ARID3B: variants seen among roughly 807,000 people sequenced by gnomAD.
ARID3B encodes AT-rich interaction domain 3B.
ARID3B carries 10 observed loss-of-function variants against 51.9 expected under a neutral mutation model. The observed-to-expected ratio is 0.19, with a 90% CI of 0.12 to 0.33. The LOEUF (loss-of-function observed/expected upper bound fraction) is 0.33. Ranked by LOEUF, ARID3B falls within the 10% of genes least tolerant of loss-of-function variation. ARID3B has a pLI of 1.00. For synonymous variants in ARID3B, 205 were observed against 279.5 expected (o/e 0.73, Z 2.66); for missense variants, 483 against 716.3 (o/e 0.67, Z 3.72).
chr15:74,561,030 G>A (rs1301530792), intron 2 of ARID3B, among the ~76,000 whole-genome samples: 1 of 152,064 alleles, frequency 6.6e-6, no homozygotes, highest in East Asian at 1.9e-4. Context: ...AGCAATCCTT[G>A]TGCTTCAGCC....
intron 8 of ARID3B, among the ~76,000 whole-genome samples, chr15:74,594,649 G>A (rs1223926398): frequency 1.3e-5 from 2 of 152,106 alleles, no homozygotes; most frequent in African/African-American, 4.8e-5. Context: ...CATTCTAAGG[G>A]CCACACTCCC....
At position 74,597,919 on chromosome 15, in the gene ARID3B, A is replaced by C. The variant is rs756609251; in HGVS notation, c.*2145A>C. ...CTTGGCCCAAGCAGAGCTTCCCCTGAAGGTGCCATCAGCCAGGGCAGCTCT... is the reference window on the plus strand; with the variant it reads ...CTTGGCCCAAGCAGAGCTTCCCCTGCAGGTGCCATCAGCCAGGGCAGCTCT... On this transcript the variant is annotated 3_prime_UTR_variant, in exon 9 of 9. Coordinates refer to ENST00000346246, the MANE Select transcript of ARID3B (RefSeq NM_006465.4). The C allele has an allele frequency of 1.9e-6, 1 of 530,506 alleles. No homozygotes were observed. The highest frequency in any genetic ancestry group is 1.5e-5 in the South Asian group (1 of 65,140). 32.9% of individuals were successfully genotyped at this position (530,506 alleles called of 1,614,324 possible). A position where few individuals can be genotyped will look rare whatever the true frequency, so the allele number is the denominator to read the frequency against.
chr15:74,582,672 G>A (rs2061766145), intron 4 of ARID3B, among the ~76,000 whole-genome samples: 1 of 152,162 alleles, frequency 6.6e-6, no homozygotes, highest in Non-Finnish European at 1.5e-5. Flanking sequence ...GTTTGGCAGT[G>A]TTCGCTAAAG....
At chr15:74,592,586 A>G (rs2141481303) in intron 7 of ARID3B, among the ~76,000 whole-genome samples, 1 of 152,340 alleles carries the variant, frequency 6.6e-6, no homozygotes, top group African/African-American at 2.4e-5. Context: ...GTTAGAAAAG[A>G]CAGCTCACCG....
intron 8 of ARID3B, among the ~76,000 whole-genome samples, chr15:74,595,250 C>T (rs2141483652): frequency 6.6e-6 from 1 of 152,282 alleles, no homozygotes; most frequent in African/African-American, 2.4e-5. Context: ...ATTGCCCAGT[C>T]TGGTCTCAAA....
chr15:74,589,082 C>T (rs569570551), intron 4 of ARID3B, among the ~76,000 whole-genome samples: 1 of 123,828 alleles, frequency 8.1e-6, no homozygotes, highest in Non-Finnish European at 1.6e-5. Context: ...GGCTGGAGTG[C>T]AGTGGTGTGA....
rs567877124 is a variant in ARID3B at position 74,546,245 on chromosome 15, C to CGGCTGCCCCCGCACTGCTGTGTGGTT, written c.552+1761_552+1786dup. ...GTTTAGCAAAACATCTGTGAGTTGC[C>CGGCTGCCCCCGCACTGCTGTGTGGTT]GGCTGCCCCCGCACTGCTGTGTGGT... is the stretch of plus-strand genomic sequence containing the variant. On this transcript the variant is annotated intron_variant, in intron 2 of 8. Coordinates refer to ENST00000346246, the MANE Select transcript of ARID3B (RefSeq NM_006465.4). Among the ~76,000 whole-genome samples the CGGCTGCCCCCGCACTGCTGTGTGGTT allele has an allele frequency of 3.1e-3, 466 of 152,344 alleles. 1 individual carries two copies. The highest frequency in any genetic ancestry group is 5.0e-3 in the Non-Finnish European group (341 of 68,022).
At chr15:74,582,278 C>G (rs1204761996) in intron 4 of ARID3B, among the ~76,000 whole-genome samples, 1 of 152,126 alleles carries the variant, frequency 6.6e-6, no homozygotes, top group East Asian at 1.9e-4. Context: ...CGCCATTCTC[C>G]TGCCTCAGCC....
At chr15:74,559,912 G>A (rs1567118556) in intron 2 of ARID3B, among the ~76,000 whole-genome samples, 1 of 151,364 alleles carries the variant, frequency 6.6e-6, no homozygotes, top group Non-Finnish European at 1.5e-5. Context: ...TTTATATACA[G>A]GCTGGGTGCC....
intron 4 of ARID3B, among the ~76,000 whole-genome samples, chr15:74,586,237 G>A (rs1406864693): frequency 2.0e-5 from 3 of 152,232 alleles, no homozygotes; most frequent in Non-Finnish European, 2.9e-5. Flanking sequence ...GTAGTGTGAT[G>A]ACAGTTCCCA....
chr15:74,596,419 CA>C lies in ARID3B; in HGVS notation c.*646del, dbSNP rs2061825635. 1 of 233,516 alleles carries C rather than the reference CA, an allele frequency of 4.3e-6. No individual in the cohort carries two copies. Among genetic ancestry groups the C allele is most frequent in the Admixed American group, 5.6e-5 (1 of 17,782 alleles). The allele number at this position is 233,516 out of a possible 1,614,324, so 14.5% of individuals were successfully genotyped here. A position where few individuals can be genotyped will look rare whatever the true frequency, so the allele number is the denominator to read the frequency against. ...GTGAGGGCAGTTCAGGGCCAGGGCCCACAGGGCATCTGCTGATGGGAAGGCA... is the reference window on the plus strand; with the variant it reads ...GTGAGGGCAGTTCAGGGCCAGGGCCCCAGGGCATCTGCTGATGGGAAGGCA... On this transcript the variant is annotated 3_prime_UTR_variant, in exon 9 of 9. Transcript: ENST00000346246.
chr15:74,582,051 C>T (rs866829377), intron 4 of ARID3B, among the ~76,000 whole-genome samples: 2 of 152,234 alleles, frequency 1.3e-5, no homozygotes, highest in Non-Finnish European at 2.9e-5. Context: ...CCTTCCACTC[C>T]TCTCCTGGAG....
intron 4 of ARID3B, among the ~76,000 whole-genome samples, chr15:74,578,842 TGAG>T (rs1199831532): frequency 5.3e-5 from 8 of 152,034 alleles, no homozygotes; most frequent in Non-Finnish European, 1.2e-4. Flanking sequence ...TACAGTGAGC[TGAG>T]TTCATGCCAT....
chr15:74,550,263 A>G (rs890464629), intron 2 of ARID3B, among the ~76,000 whole-genome samples: 1 of 152,206 alleles, frequency 6.6e-6, no homozygotes, highest in East Asian at 1.9e-4. Flanking sequence ...CTTTGGTGAT[A>G]TATGAGAGAG....
At position 74,572,917 on chromosome 15, in the gene ARID3B, C is replaced by T; in HGVS notation, c.608C>T (p.Ser203Phe). 1 of 1,614,182 alleles carries T rather than the reference C, an allele frequency of 6.2e-7. No homozygotes were observed. Among genetic ancestry groups the T allele is most frequent in the Non-Finnish European group, 8.5e-7 (1 of 1,180,042 alleles). ...DADGGRGREI[S>F]RDFAKLYELD... ...GATGGAGGCCGGGGAAGAGAGATCT[C>T]TCGAGATTTTGCCAAGGTCTGTAAT... is the stretch of plus-strand genomic sequence containing the variant. Residue 203 changes from serine to phenylalanine, a missense_variant, in exon 3 of 9, where the codon TCT becomes TTT. Physicochemically the swap from Ser to Phe is radical, Grantham distance 155. Around this residue, in one of 3 missense-constraint regions of ARID3B, gnomAD observed 182 missense variants for 244.5 expected, o/e 0.74. Transcript: ENST00000346246.
Position 74,597,437 on chromosome 15 carries a change from C to G in ARID3B, c.*1663C>G. 1 of 483,714 alleles carries G rather than the reference C, an allele frequency of 2.1e-6. No homozygotes were observed. Among genetic ancestry groups the G allele is most frequent in the South Asian group, 1.8e-5 (1 of 57,112 alleles). The allele number at this position is 483,714 out of a possible 1,614,324, so 30.0% of individuals were successfully genotyped here. On this transcript the variant is annotated 3_prime_UTR_variant, in exon 9 of 9. Transcript: ENST00000346246. ...CTTGAGCACAAACAGATACCTCAGC[C>G]CGGTAAGCTGCAGCTCTGCTCAACT...
At chr15:74,558,043 G>A (rs924378629) in intron 2 of ARID3B, among the ~76,000 whole-genome samples, 2 of 151,758 alleles carry the variant, frequency 1.3e-5, no homozygotes, top group East Asian at 1.9e-4. Flanking sequence ...GGATGGTCTC[G>A]ATCTCCTGAC....
chr15:74,595,236 C>T (rs2061820033), intron 8 of ARID3B, among the ~76,000 whole-genome samples: 2 of 152,102 alleles, frequency 1.3e-5, no homozygotes, highest in South Asian at 4.2e-4. Context: ...AAGGCTCTTG[C>T]TGTATTGCCC....
At position 74,591,283 on chromosome 15, in the gene ARID3B, C is replaced by G; in HGVS notation, c.1014C>G (p.Tyr338Ter). The G allele has an allele frequency of 6.2e-7, 1 of 1,613,992 alleles. No homozygotes were observed. ...GCTACAGCTCCTCCCTCTTTGGCTA[C>G]TCACCTGCTGCGGCTACTGCTGCTG... ...RPSYSSSLFG[Y>*]SPAAATAAAA... Residue 338 changes from tyrosine to a stop codon, truncating the protein, a stop_gained, in exon 6 of 9, where the codon TAC (tyrosine) becomes TAG (stop). Coordinates refer to ENST00000346246, the MANE Select transcript of ARID3B (RefSeq NM_006465.4). LOFTEE classifies it high-confidence loss of function. This position sits in a 1 kb window ranked among gnomAD's most constrained non-coding sequence, Gnocchi z 5.8.
Sources: allele counts gnomAD v4.1 joint callset (sites outside exome capture counted in the v4.1 genomes callset), GRCh38; gene constraint gnomAD v4.1.1; regional missense constraint gnomAD v4.1.1; non-coding constraint Gnocchi (gnomAD v3.1); transcripts MANE v1.5; gene names NCBI Gene and HGNC (gene_info 2026-07-23, HGNC 2026-07-21).